PMF1: variants seen among roughly 807,000 people sequenced by gnomAD.
PMF1 encodes the protein polyamine-modulated factor 1.
Under a neutral mutation model 26.7 loss-of-function variants are expected in PMF1, and 21 were observed. The ratio of observed to expected loss-of-function variants is 0.79; its 90% CI spans 0.56 to 1.13. The LOEUF (loss-of-function observed/expected upper bound fraction) is 1.13. PMF1 is among the 50% of genes most tolerant of loss of function. The probability of loss-of-function intolerance (pLI) is 0.00; values close to 1 mark genes in which losing one functional copy is unlikely to be tolerated. For missense variants in PMF1, 266 were observed against 254.9 expected, an observed-to-expected ratio of 1.04 and a Z score of -0.30; for synonymous variants, 105 against 101.0, an observed-to-expected ratio of 1.04 and a Z score of -0.24.
At chr1:156,218,419 A>G (rs1657896316) in intron 1 of PMF1, among the ~76,000 whole-genome samples, 1 of 152,210 alleles carries the variant, frequency 6.6e-6, no homozygotes, top group South Asian at 2.1e-4. Flanking sequence ...CAGACCCTTC[A>G]TGAACTGCAT....
chr1:156,232,365 G>A lies in PMF1; in HGVS notation c.207G>A (p.Gln69=), dbSNP rs1411886131. ...GCTATAAGTGCTTCTACCAGTTGCA[G>A]CCTGCGATGACACAGCAAATCTATG... The part of the protein sequence containing the change: ...TDCYKCFYQL[Q]PAMTQQIYDK... The change falls in exon 2 of 5, where the codon CAG becomes CAA. Residue 69 remains glutamine, a synonymous_variant. Coordinates refer to ENST00000368277, the MANE Select transcript of PMF1 (RefSeq NM_007221.4). The A allele has an allele frequency of 6.2e-6, 10 of 1,613,962 alleles. No homozygotes were observed. The East Asian group carries it at 2.2e-4, about 36-fold the overall frequency.
At chr1:156,239,451 C>T in intron 4 of PMF1, 97 bp from the exon 5 acceptor site, 1 of 952,548 alleles carries the variant, frequency 1.0e-6, no homozygotes, top group South Asian at 1.4e-5. Context: ...CCATATTGTC[C>T]TGGGGGAAAC....
intron 1 of PMF1, among the ~76,000 whole-genome samples, chr1:156,222,991 A>G (rs1558191303): frequency 1.3e-5 from 2 of 152,258 alleles, no homozygotes; most frequent in Admixed American, 6.5e-5. Flanking sequence ...GTTGGTGTTC[A>G]TAGGAAATAG....
intron 3 of PMF1, among the ~76,000 whole-genome samples, chr1:156,235,999 G>A (rs1658986223): frequency 6.6e-6 from 1 of 152,196 alleles, no homozygotes; most frequent in Non-Finnish European, 1.5e-5. Flanking sequence ...AGGGGAGTGT[G>A]TGTGGAGGAA....
chr1:156,236,735 AG>A, intron 4 of PMF1: 1 of 531,898 alleles, frequency 1.9e-6, no homozygotes, highest in Admixed American at 3.2e-5. Flanking sequence ...GTGAGGACCC[AG>A]GCCCAGAGAG....
intron 1 of PMF1, among the ~76,000 whole-genome samples, chr1:156,231,231 A>G: frequency 6.7e-6 from 1 of 150,338 alleles, no homozygotes; most frequent in East Asian, 2.0e-4. Context: ...AAAAAAAAAA[A>G]AAAAAAAAAA....
chr1:156,234,760 CG>C (rs1658910453), intron 3 of PMF1, among the ~76,000 whole-genome samples: 1 of 151,948 alleles, frequency 6.6e-6, no homozygotes, highest in Non-Finnish European at 1.5e-5. Flanking sequence ...CCTCCTGCCT[CG>C]GCCTCCCAAA....
intron 4 of PMF1, among the ~76,000 whole-genome samples, chr1:156,238,404 T>C (rs1350755488): frequency 6.6e-6 from 1 of 152,192 alleles, no homozygotes; most frequent in Non-Finnish European, 1.5e-5. Context: ...TGGGGCCACA[T>C]TGGGTGAAGA....
intron 3 of PMF1, among the ~76,000 whole-genome samples, chr1:156,235,215 C>T (rs1441803781): frequency 1.3e-5 from 2 of 151,728 alleles, no homozygotes; most frequent in African/African-American, 2.4e-5. Flanking sequence ...ACCTCAGCCT[C>T]CCGGGTCCAA....
At chr1:156,234,363 G>A (rs894753954) in intron 3 of PMF1, among the ~76,000 whole-genome samples, 1 of 152,062 alleles carries the variant, frequency 6.6e-6, no homozygotes, top group Admixed American at 6.6e-5. Context: ...AGGGTGGGTG[G>A]GGGGAGTGGG....
chr1:156,217,493 A>G (rs1166708791), intron 1 of PMF1, among the ~76,000 whole-genome samples: 2 of 152,096 alleles, frequency 1.3e-5, no homozygotes, highest in African/African-American at 4.8e-5. Context: ...TGGGAGGCCG[A>G]GGTGGGTGGA....
chr1:156,213,799 CAT>C (rs112991118), intron 1 of PMF1, among the ~76,000 whole-genome samples: 2 of 152,332 alleles, frequency 1.3e-5, no homozygotes, highest in African/African-American at 4.8e-5. Context: ...GGACCTGACA[CAT>C]AGAAAGATTT....
intron 1 of PMF1, among the ~76,000 whole-genome samples, chr1:156,231,611 G>A (rs1350792468): frequency 2.6e-5 from 4 of 151,582 alleles, no homozygotes; most frequent in African/African-American, 7.3e-5. Flanking sequence ...GCTGAGGTAG[G>A]AGAATCGCTT....
intron 1 of PMF1, among the ~76,000 whole-genome samples, chr1:156,227,286 C>T (rs1007975808): frequency 6.6e-6 from 1 of 151,714 alleles, no homozygotes; most frequent in Admixed American, 6.6e-5. Flanking sequence ...GGTGGATCAC[C>T]TGAGATTGGG....
intron 1 of PMF1, among the ~76,000 whole-genome samples, chr1:156,230,626 G>C (rs1235499634): frequency 2.0e-5 from 3 of 152,172 alleles, no homozygotes; most frequent in East Asian, 1.9e-4. Context: ...GAGAAAAACA[G>C]CCAAAAGAGT....
At chr1:156,214,183 G>A (rs1268018607) in intron 1 of PMF1, among the ~76,000 whole-genome samples, 1 of 152,154 alleles carries the variant, frequency 6.6e-6, no homozygotes, top group Non-Finnish European at 1.5e-5. Context: ...CAAAGTACCA[G>A]GATTACAGGC....
chr1:156,232,317 C>T lies in PMF1; in HGVS notation c.162-3C>T, dbSNP rs1368591768. Reference sequence around the variant, plus strand: ...CCACCTTTGCTTCTCTCCTTCCCGCCAGCTACCAGAGATTCACTGACTGCT... The same window carrying T: ...CCACCTTTGCTTCTCTCCTTCCCGCTAGCTACCAGAGATTCACTGACTGCT... On this transcript the variant is annotated splice_region_variant and splice_polypyrimidine_tract_variant and intron_variant, in intron 1 of 4. Coordinates refer to ENST00000368277, the MANE Select transcript of PMF1 (RefSeq NM_007221.4). 4 of 1,613,742 alleles carry T rather than the reference C, an allele frequency of 2.5e-6. No homozygotes were observed. The African/African-American group carries it at 5.3e-5, about 22-fold the overall frequency.
intron 4 of PMF1, among the ~76,000 whole-genome samples, chr1:156,237,446 CTT>C (rs33952725): frequency 4.9e-5 from 6 of 123,360 alleles, no homozygotes; most frequent in South Asian, 2.6e-4. Context: ...TATTTTTTGT[CTT>C]TTTTTTTTTT....
intron 4 of PMF1, among the ~76,000 whole-genome samples, chr1:156,237,899 G>C (rs74634803): frequency 0.012 from 1,879 of 151,752 alleles, 18 homozygotes; most frequent in Non-Finnish European, 0.022. Context: ...CTCCCGAGTA[G>C]CTGGGATTAC....
Sources: allele counts gnomAD v4.1 joint callset (sites outside exome capture counted in the v4.1 genomes callset), GRCh38; gene constraint gnomAD v4.1.1; transcripts MANE v1.5; gene names NCBI Gene and HGNC (gene_info 2026-07-23, HGNC 2026-07-21).